DPP6: variants seen among roughly 807,000 people sequenced by gnomAD.
DPP6 encodes dipeptidyl peptidase like 6, also known as A-type potassium channel modulatory protein DPP6.
In DPP6, 69 loss-of-function variants were observed where a neutral mutation model predicts 122.6. The ratio of observed to expected loss-of-function variants is 0.56; its 90% confidence interval spans 0.46 to 0.69. The LOEUF is 0.69. DPP6 is among the 30% of genes least tolerant of loss of function. DPP6 has a pLI of 0.00. For synonymous variants in DPP6, 418 were observed against 433.1 expected, an observed-to-expected ratio of 0.97 and a Z score of 0.43; for missense variants, 928 against 1,116.9, an observed-to-expected ratio of 0.83 and a Z score of 2.41.
At chr7:154,373,206 G>A (rs1409547389) in intron 1 of DPP6, among the ~76,000 whole-genome samples, 3 of 152,216 alleles carry the variant, frequency 2.0e-5, no homozygotes, top group East Asian at 1.9e-4. Context: ...AACTTAGAAT[G>A]TGAAGAGCCA....
chr7:154,172,325 A>G (rs1797576936), intron 1 of DPP6, among the ~76,000 whole-genome samples: 1 of 152,194 alleles, frequency 6.6e-6, no homozygotes, highest in Non-Finnish European at 1.5e-5. Context: ...GAGCCCTGAT[A>G]ATTATTTAAG....
intron 9 of DPP6, among the ~76,000 whole-genome samples, chr7:154,769,831 A>G (rs1796143569): frequency 6.6e-6 from 1 of 151,866 alleles, no homozygotes; most frequent in Non-Finnish European, 1.5e-5. Flanking sequence ...CACACAGGGT[A>G]CCTCCCCTCA....
chr7:153,899,226 C>CTCCTCCTCCTT, intron 1 of DPP6, among the ~76,000 whole-genome samples: 1 of 151,102 alleles, frequency 6.6e-6, no homozygotes, highest in East Asian at 2.0e-4. Flanking sequence ...TCCTCCTCCT[C>CTCCTCCTCCTT]CTTTGATTAT....
chr7:154,153,328 G>A (rs1796518440), intron 1 of DPP6, among the ~76,000 whole-genome samples: 3 of 152,150 alleles, frequency 2.0e-5, no homozygotes, highest in African/African-American at 7.2e-5. Flanking sequence ...AGGGATTACA[G>A]GCATGCACCA....
intron 1 of DPP6, among the ~76,000 whole-genome samples, chr7:154,213,492 C>A (rs1036269535): frequency 1.3e-5 from 2 of 152,274 alleles, no homozygotes; most frequent in East Asian, 3.9e-4. Flanking sequence ...ACAAAGAGTT[C>A]CCAATGTAAT....
At chr7:154,405,077 G>A (rs532701818) in intron 1 of DPP6, among the ~76,000 whole-genome samples, 7 of 152,294 alleles carry the variant, frequency 4.6e-5, no homozygotes, top group Admixed American at 2.6e-4. Context: ...TTATATGTAT[G>A]TGTACATTTC....
chr7:153,935,835 C>A lies in DPP6; in HGVS notation c.51+48101C>A, dbSNP rs1288484317. On this transcript the variant is annotated intron_variant, in intron 1 of 25. Transcript: ENST00000404039. ...ACAAGGCTTTGGTGGGCTCCCCAGCCCACACCTGTGCCCCCTGATATTCTA... is the reference window on the plus strand; with the variant it reads ...ACAAGGCTTTGGTGGGCTCCCCAGCACACACCTGTGCCCCCTGATATTCTA... Among the ~76,000 whole-genome samples, 3 of 152,176 alleles carry A rather than the reference C, an allele frequency of 2.0e-5. No homozygotes were observed. In the East Asian group the frequency reaches 5.8e-4, roughly 29 times the overall value.
intron 8 of DPP6, among the ~76,000 whole-genome samples, chr7:154,733,297 G>A (rs1269436528): frequency 6.6e-6 from 1 of 152,202 alleles, no homozygotes; most frequent in Non-Finnish European, 1.5e-5. Flanking sequence ...ATGTAGTCAG[G>A]CCCACTGTAC....
the DPP6 span, among the ~76,000 whole-genome samples, chr7:153,880,762 A>G: frequency 6.6e-6 from 1 of 152,214 alleles, no homozygotes; most frequent in African/African-American, 2.4e-5. Context: ...GATGAACCTG[A>G]AATACAGTCT....
chr7:154,482,835 C>T (rs1232849875), intron 3 of DPP6, among the ~76,000 whole-genome samples: 1 of 151,592 alleles, frequency 6.6e-6, no homozygotes, highest in Non-Finnish European at 1.5e-5. Flanking sequence ...AGAAATGGAA[C>T]ACCAGGGAAG....
intron 6 of DPP6, among the ~76,000 whole-genome samples, chr7:154,646,257 C>T (rs931940256): frequency 6.6e-6 from 1 of 152,060 alleles, no homozygotes; most frequent in Non-Finnish European, 1.5e-5. Context: ...GGAAAGAATG[C>T]CACAATCAGT....
chr7:154,219,066 A>C (rs1414362099), intron 1 of DPP6, among the ~76,000 whole-genome samples: 1 of 152,222 alleles, frequency 6.6e-6, no homozygotes, highest in Non-Finnish European at 1.5e-5. Flanking sequence ...TATCATTCTG[A>C]AATTTTACTT....
intron 1 of DPP6, among the ~76,000 whole-genome samples, chr7:154,309,076 G>C (rs184857691): frequency 7.9e-4 from 121 of 152,298 alleles, no homozygotes; most frequent in African/African-American, 2.8e-3. Context: ...TCATGCTCTC[G>C]TGCTGAGGAA....
intron 1 of DPP6, among the ~76,000 whole-genome samples, chr7:153,888,055 C>T (rs1196111101): frequency 6.6e-6 from 1 of 152,192 alleles, no homozygotes; most frequent in African/African-American, 2.4e-5. Flanking sequence ...GTCCGAGCCC[C>T]AAGCAGACCC....
chr7:153,751,924 C>T, the DPP6 span, among the ~76,000 whole-genome samples: 4 of 152,040 alleles, frequency 2.6e-5, no homozygotes, highest in South Asian at 8.4e-4. Context: ...TTACGTTAGA[C>T]ATCAAGACAA....
chr7:154,128,104 A>T (rs192119573), intron 1 of DPP6, among the ~76,000 whole-genome samples: 4 of 150,320 alleles, frequency 2.7e-5, no homozygotes. Context: ...CTTACCCGCA[A>T]CAGGCACAGC....
At chr7:153,887,831 G>A in intron 1 of DPP6, 3 of 1,372,440 alleles carry the variant, frequency 2.2e-6, no homozygotes, top group East Asian at 4.9e-5. Flanking sequence ...GAACCTCCCT[G>A]GAAGGACAGC....
Position 154,755,344 on chromosome 7 carries a change from G to A in DPP6, c.884-14073G>A, listed in dbSNP as rs527576012. The stretch of plus-strand genomic sequence containing the variant: ...ATGCACAGGCTCAGAGCCCACAGGT[G>A]CACACTGGGGTTGTCATGGGAGACA... On this transcript the variant is annotated intron_variant, in intron 8 of 25. Coordinates refer to ENST00000377770, the MANE Select transcript of DPP6 (RefSeq NM_130797.4). This position sits in a 1 kb window ranked among gnomAD's most constrained non-coding sequence, Gnocchi z 4.7. Among the ~76,000 whole-genome samples the A allele has an allele frequency of 3.9e-5, 6 of 152,080 alleles. No individual in the cohort carries two copies. Among genetic ancestry groups the A allele is most frequent in the Non-Finnish European group, 7.4e-5 (5 of 68,010 alleles).
At chr7:154,585,241 C>T (rs899452168) in intron 5 of DPP6, among the ~76,000 whole-genome samples, 4 of 152,180 alleles carry the variant, frequency 2.6e-5, no homozygotes, top group Non-Finnish European at 4.4e-5. Flanking sequence ...GCATAGTCTT[C>T]ATCTTTAGGG....
Sources: allele counts gnomAD v4.1 joint callset (sites outside exome capture counted in the v4.1 genomes callset), GRCh38; gene constraint gnomAD v4.1.1; non-coding constraint Gnocchi (gnomAD v3.1); transcripts MANE v1.5; gene names NCBI Gene and HGNC (gene_info 2026-07-23, HGNC 2026-07-21).